RBFOX1: variants seen among roughly 807,000 people sequenced by gnomAD.
RBFOX1 encodes the protein RNA binding protein fox-1 homolog 1.
RBFOX1 carries 8 observed loss-of-function variants against 57.7 expected under a neutral mutation model. The observed-to-expected ratio is 0.14, with a 90% CI of 0.08 to 0.25. The LOEUF (loss-of-function observed/expected upper bound fraction) is 0.25, where lower values mean the gene tolerates loss of function less well. RBFOX1 is among the 10% of genes least tolerant of loss of function. The probability of loss-of-function intolerance (pLI) is 1.00; values close to 1 mark genes in which losing one functional copy is unlikely to be tolerated. For synonymous variants in RBFOX1, 326 were observed against 222.4 expected (o/e 1.47, Z -4.15); for missense variants, 611 against 548.5 (o/e 1.11, Z -1.14).
At chr16:6,571,857 GAGGAT>G (rs2097349318) in intron 2 of RBFOX1, among the ~76,000 whole-genome samples, 1 of 151,850 alleles carries the variant, frequency 6.6e-6, no homozygotes, top group African/African-American at 2.4e-5. Context: ...TGGTTTGATT[GAGGAT>G]GATATTTCTT....
chr16:7,227,536 G>A (rs999032233), intron 4 of RBFOX1, among the ~76,000 whole-genome samples: 1 of 152,180 alleles, frequency 6.6e-6, no homozygotes, highest in African/African-American at 2.4e-5. Flanking sequence ...CAGACGCAGT[G>A]GTTTCCCTGG....
intron 3 of RBFOX1, among the ~76,000 whole-genome samples, chr16:5,811,912 T>G (rs2055446423): frequency 6.6e-6 from 1 of 152,210 alleles, no homozygotes; most frequent in African/African-American, 2.4e-5. Context: ...AATATCTCAT[T>G]TGTAGTTAAT....
intron 1 of RBFOX1, among the ~76,000 whole-genome samples, chr16:5,461,934 A>G (rs549368165): frequency 6.6e-6 from 1 of 152,282 alleles, no homozygotes; most frequent in East Asian, 1.9e-4. Context: ...TCTACTGAAC[A>G]AAAAATATAT....
At chr16:7,055,934 G>C (rs1156439111) in intron 4 of RBFOX1, among the ~76,000 whole-genome samples, 1 of 152,138 alleles carries the variant, frequency 6.6e-6, no homozygotes, top group Non-Finnish European at 1.5e-5. Flanking sequence ...TGTGGAATTT[G>C]ACACAGATGA....
chr16:7,243,026 C>A (rs1258434511), intron 4 of RBFOX1, among the ~76,000 whole-genome samples: 1 of 152,078 alleles, frequency 6.6e-6, no homozygotes, highest in East Asian at 1.9e-4. Context: ...GGATGTCAAG[C>A]CCTGGCATTT....
chr16:7,516,372 T>G (rs1462067752), intron 4 of RBFOX1, among the ~76,000 whole-genome samples: 1 of 152,080 alleles, frequency 6.6e-6, no homozygotes, highest in South Asian at 2.1e-4. Context: ...TGATGTCCTA[T>G]GGCTCATCTC....
At chr16:7,021,348 A>G (rs896746868) in intron 3 of RBFOX1, among the ~76,000 whole-genome samples, 1 of 147,162 alleles carries the variant, frequency 6.8e-6, no homozygotes, top group African/African-American at 2.5e-5. Flanking sequence ...ACATTTTTGA[A>G]TATTTTAGTA....
At chr16:5,259,367 C>T (rs1239710164) in intron 1 of RBFOX1, among the ~76,000 whole-genome samples, 3 of 152,172 alleles carry the variant, frequency 2.0e-5, no homozygotes, top group Non-Finnish European at 2.9e-5. Context: ...TGATCTCATG[C>T]AGCCAGCCTG....
intron 4 of RBFOX1, among the ~76,000 whole-genome samples, chr16:7,435,265 T>G (rs919324160): frequency 6.6e-6 from 1 of 151,926 alleles, no homozygotes; most frequent in African/African-American, 2.4e-5. Flanking sequence ...ACTAAGCAGG[T>G]GTTTTGTAGT....
intron 1 of RBFOX1, among the ~76,000 whole-genome samples, chr16:5,461,441 AATT>A (rs1426592162): frequency 3.9e-5 from 6 of 152,134 alleles, no homozygotes; most frequent in African/African-American, 1.4e-4. Context: ...GCAGGCACCT[AATT>A]ATTGTGCTGG....
rs147614404 is a variant in RBFOX1, at chr16:5,907,701, G to A, written c.351+40366G>A. ...GCCTACTTGCTGGTATAATTAAGACGCGAACTCAAGGAGACTATTTATCAT... is the reference window on the plus strand; with the variant it reads ...GCCTACTTGCTGGTATAATTAAGACACGAACTCAAGGAGACTATTTATCAT... On this transcript the variant is annotated intron_variant, in intron 4 of 19. Transcript: ENST00000641259. Among the ~76,000 whole-genome samples, 483 of 150,854 alleles carry A rather than the reference G, an allele frequency of 3.2e-3. 1 individual carries two copies. The highest frequency in any genetic ancestry group is 0.011 in the African/African-American group (454 of 40,770).
chr16:6,045,799 C>T (rs921128744), intron 1 of RBFOX1, among the ~76,000 whole-genome samples: 20 of 152,128 alleles, frequency 1.3e-4, no homozygotes, highest in African/African-American at 4.1e-4. Flanking sequence ...GTCAATGGAG[C>T]GGCCAATGGA....
At chr16:7,431,197 A>T (rs984666281) in intron 4 of RBFOX1, 2 of 151,954 alleles carry the variant, frequency 1.3e-5, no homozygotes, top group Non-Finnish European at 2.9e-5. Flanking sequence ...CTAACAAGGG[A>T]TCCTATTTTT....
At chr16:6,906,303 G>A (rs1301411742) in intron 3 of RBFOX1, among the ~76,000 whole-genome samples, 1 of 151,870 alleles carries the variant, frequency 6.6e-6, no homozygotes, top group African/African-American at 2.4e-5. Context: ...TCTGTTGGCT[G>A]GGGTAATAAA....
At chr16:6,087,123 G>C (rs868519899) in intron 1 of RBFOX1, among the ~76,000 whole-genome samples, 2 of 152,200 alleles carry the variant, frequency 1.3e-5, no homozygotes, top group South Asian at 2.1e-4. Context: ...AGCAAATTTA[G>C]ATGATGAGAT....
chr16:5,627,313 A>G (rs1183177144), intron 3 of RBFOX1, among the ~76,000 whole-genome samples: 2 of 152,214 alleles, frequency 1.3e-5, no homozygotes, highest in Non-Finnish European at 2.9e-5. Context: ...ATAAATAAAT[A>G]GAACAAAAGG....
chr16:6,906,092 G>A (rs547336645), intron 3 of RBFOX1, among the ~76,000 whole-genome samples: 60 of 147,270 alleles, frequency 4.1e-4, no homozygotes, highest in African/African-American at 1.5e-3. Flanking sequence ...TCGATGGAAC[G>A]CTTTGCTTTA....
intron 2 of RBFOX1, among the ~76,000 whole-genome samples, chr16:5,516,440 A>G (rs1461180403): frequency 1.3e-5 from 2 of 152,064 alleles, no homozygotes; most frequent in African/African-American, 2.4e-5. Context: ...TTGATCTTGC[A>G]TAAGTTACTT....
chr16:7,136,353 A>G (rs1041582580), intron 4 of RBFOX1, among the ~76,000 whole-genome samples: 8 of 151,636 alleles, frequency 5.3e-5, no homozygotes, highest in East Asian at 1.9e-4. Flanking sequence ...AGTAGCTGTC[A>G]TATTGGAGCC....
Sources: gnomAD v4.1 joint callset for allele counts (sites outside exome capture counted in the v4.1 genomes callset) on GRCh38, gnomAD v4.1.1 for gene constraint, MANE v1.5 for transcripts, NCBI Gene and HGNC (gene_info 2026-07-23, HGNC 2026-07-21) for gene names.